ATF1: variants seen among roughly 807,000 people sequenced by gnomAD.
ATF1 encodes activating transcription factor 1, also known as cyclic AMP-dependent transcription factor ATF-1.
Under a neutral mutation model 34.7 loss-of-function variants are expected in ATF1, and 16 were observed. The ratio of observed to expected loss-of-function variants is 0.46; its 90% CI spans 0.31 to 0.70. ATF1 has a LOEUF of 0.70. Among genes scored for constraint, ATF1 ranks in the 30% least tolerant of loss-of-function variants. The pLI is 0.05. For missense variants in ATF1, 255 were observed against 321.6 expected, an observed-to-expected ratio of 0.79 and a Z score of 1.58; for synonymous variants, 105 against 113.1, an observed-to-expected ratio of 0.93 and a Z score of 0.46.
intron 3 of ATF1, among the ~76,000 whole-genome samples, chr12:50,797,420 A>G (rs747871607): frequency 9.2e-5 from 14 of 152,248 alleles, no homozygotes; most frequent in Non-Finnish European, 1.9e-4. Flanking sequence ...TAAGCTGACA[A>G]CAGATTTTTG....
chr12:50,764,798 C>T (rs900512382), intron 1 of ATF1, among the ~76,000 whole-genome samples: 6 of 152,240 alleles, frequency 3.9e-5, no homozygotes, highest in Non-Finnish European at 8.8e-5. Context: ...CCCTTACCCT[C>T]CTGGAGCTTG....
intron 2 of ATF1, among the ~76,000 whole-genome samples, chr12:50,785,566 T>C (rs1274534717): frequency 1.3e-5 from 2 of 152,190 alleles, no homozygotes; most frequent in Non-Finnish European, 2.9e-5. Flanking sequence ...AGGCATATCT[T>C]AACTGGGTTC....
intron 2 of ATF1, among the ~76,000 whole-genome samples, chr12:50,785,623 G>T (rs1173270928): frequency 6.6e-6 from 1 of 152,152 alleles, no homozygotes; most frequent in Non-Finnish European, 1.5e-5. Flanking sequence ...CATTGGCTAG[G>T]GCTGAGTTCT....
Position 50,820,816 on chromosome 12 carries a change from A to G in ATF1, c.*1037A>G, listed in dbSNP as rs568731286. The G allele has an allele frequency of 1.7e-5, 3 of 179,884 alleles. No individual in the cohort carries two copies. The highest frequency in any genetic ancestry group is 4.0e-4 in the South Asian group (2 of 5,052). The allele number at this position is 179,884 out of a possible 1,614,324, so 11.1% of individuals were successfully genotyped here. On this transcript the variant is annotated 3_prime_UTR_variant, in exon 7 of 7. Transcript: ENST00000262053. ...GAAAAGTGACTGCCAATATATTTTTATAGCTGATCTTTATAAATTCTAATG... is the reference window on the plus strand; with the variant it reads ...GAAAAGTGACTGCCAATATATTTTTGTAGCTGATCTTTATAAATTCTAATG...
intron 2 of ATF1, among the ~76,000 whole-genome samples, chr12:50,795,383 CT>C (rs1941388816): frequency 6.6e-6 from 1 of 152,138 alleles, no homozygotes; most frequent in African/African-American, 2.4e-5. Context: ...CTATTTACCC[CT>C]ATGAGCTCAT....
chr12:50,786,954 CTCTGA>C (rs1292211329), intron 2 of ATF1, among the ~76,000 whole-genome samples: 1 of 152,132 alleles, frequency 6.6e-6, no homozygotes, highest in African/African-American at 2.4e-5. Flanking sequence ...GAGAAAAACC[CTCTGA>C]CATACCAGCC....
rs1941934603 is a variant in ATF1, at chr12:50,820,764, G to T, written c.*985G>T. ...GCAATTTTATGTTAGAGACTATTTT[G>T]TAATGTAGTGAGTGGTACCTTTATA... On this transcript the variant is annotated 3_prime_UTR_variant, in exon 7 of 7. Coordinates refer to ENST00000262053, the MANE Select transcript of ATF1 (RefSeq NM_005171.5). 5.6e-6 allele frequency: 1 copy of T among 179,424 alleles called. No homozygotes were observed. Among genetic ancestry groups the T allele is most frequent in the African/African-American group, 2.4e-5 (1 of 42,380 alleles). 11.1% of individuals were successfully genotyped at this position (179,424 alleles called of 1,614,324 possible).
chr12:50,793,836 G>C (rs1441217216), intron 2 of ATF1, among the ~76,000 whole-genome samples: 1 of 151,938 alleles, frequency 6.6e-6, no homozygotes, highest in African/African-American at 2.4e-5. Context: ...AAGCCTCTCT[G>C]GAAATTTCAT....
chr12:50,789,648 G>A (rs965366088), intron 2 of ATF1, among the ~76,000 whole-genome samples: 3 of 152,120 alleles, frequency 2.0e-5, no homozygotes, highest in East Asian at 3.9e-4. Flanking sequence ...CCAGCTACTC[G>A]GGAGGCTGAG....
At chr12:50,770,625 C>T (rs1830452289) in intron 1 of ATF1, among the ~76,000 whole-genome samples, 1 of 152,084 alleles carries the variant, frequency 6.6e-6, no homozygotes, top group African/African-American at 2.4e-5. Context: ...AACAATCAGG[C>T]CAAGTATAAT....
intron 6 of ATF1, among the ~76,000 whole-genome samples, chr12:50,816,646 A>G (rs932375288): frequency 6.6e-6 from 1 of 151,794 alleles, no homozygotes; most frequent in Non-Finnish European, 1.5e-5. Flanking sequence ...TAATCCCAGC[A>G]TTTTCGGAGG....
chr12:50,765,075 A>G (rs1452554754), intron 1 of ATF1, among the ~76,000 whole-genome samples: 1 of 152,150 alleles, frequency 6.6e-6, no homozygotes, highest in Admixed American at 6.5e-5. Flanking sequence ...AAATGATTGC[A>G]ATGTGAAATA....
chr12:50,814,571 A>T, intron 6 of ATF1, 132 bp downstream of exon 6: 1 of 1,019,212 alleles, frequency 9.8e-7, no homozygotes, highest in Non-Finnish European at 1.4e-6. Flanking sequence ...GACCACATAA[A>T]TGAATGACGG....
intron 3 of ATF1, among the ~76,000 whole-genome samples, chr12:50,802,610 C>T (rs1941533786): frequency 6.6e-6 from 1 of 151,790 alleles, no homozygotes; most frequent in African/African-American, 2.4e-5. Flanking sequence ...CGGTGGCTCA[C>T]ATCTGTAATT....
At chr12:50,798,471 G>C (rs1941453381) in intron 3 of ATF1, among the ~76,000 whole-genome samples, 1 of 151,852 alleles carries the variant, frequency 6.6e-6, no homozygotes, top group Non-Finnish European at 1.5e-5. Context: ...ACCACACCTG[G>C]CTAATTTTTT....
intron 1 of ATF1, among the ~76,000 whole-genome samples, chr12:50,777,194 A>G (rs1476255289): frequency 6.6e-6 from 1 of 152,218 alleles, no homozygotes; most frequent in Non-Finnish European, 1.5e-5. Context: ...AACCTAGAAA[A>G]TATGTATGAT....
In ATF1 at chr12:50,807,801, T is replaced by TG. The variant is rs1470675661; in HGVS notation, c.195-1654dup. Among the ~76,000 whole-genome samples, 19 of 25,358 alleles carry TG rather than the reference T, an allele frequency of 7.5e-4. 1 individual carries two copies. The highest frequency in any genetic ancestry group is 0.033 in the Middle Eastern group (1 of 30). The allele number at this position is 25,358 out of a possible 152,430, so 16.6% of individuals were successfully genotyped here. A position where few individuals can be genotyped will look rare whatever the true frequency, so the allele number is the denominator to read the frequency against. ...TTTCCTCTACCCCCAATTGTGTGTG[T>TG]GTTTTTTTTTTGTTTTTTTTTTTTT... On this transcript the variant is annotated intron_variant, in intron 3 of 6. Coordinates refer to ENST00000262053, the MANE Select transcript of ATF1 (RefSeq NM_005171.5).
intron 2 of ATF1, among the ~76,000 whole-genome samples, chr12:50,783,664 T>G (rs897445481): frequency 1.1e-4 from 17 of 150,480 alleles, no homozygotes; most frequent in Non-Finnish European, 2.1e-4. Flanking sequence ...GGGCAGGAGT[T>G]CAAGACCAGC....
intron 1 of ATF1, among the ~76,000 whole-genome samples, chr12:50,777,074 G>A (rs1262736266): frequency 6.6e-6 from 1 of 152,010 alleles, no homozygotes; most frequent in Admixed American, 6.6e-5. Flanking sequence ...GACTGATCTC[G>A]AACTCCTGAC....
Sources: allele counts gnomAD v4.1 joint callset (sites outside exome capture counted in the v4.1 genomes callset), GRCh38; gene constraint gnomAD v4.1.1; transcripts MANE v1.5; gene names NCBI Gene and HGNC (gene_info 2026-07-23, HGNC 2026-07-21).